Variants in ENPP6 observed in about 807,000 individuals in gnomAD.
ENPP6 encodes glycerophosphocholine cholinephosphodiesterase ENPP6.
ENPP6 carries 32 observed loss-of-function variants against 42.0 expected under a neutral mutation model. That is an observed-to-expected ratio of 0.76 (90% CI 0.58 to 1.02). The LOEUF (loss-of-function observed/expected upper bound fraction) is 1.02, where lower values mean the gene tolerates loss of function less well. Among genes scored for constraint, ENPP6 ranks in the 50% least tolerant of loss-of-function variants. ENPP6 has a pLI of 0.00. For synonymous variants in ENPP6, 213 were observed against 216.0 expected, an observed-to-expected ratio of 0.99 and a Z score of 0.12; for missense variants, 552 against 566.8, an observed-to-expected ratio of 0.97 and a Z score of 0.27.
intron 1 of ENPP6, among the ~76,000 whole-genome samples, chr4:184,195,344 T>G (rs1426341385): frequency 2.0e-5 from 3 of 152,188 alleles, no homozygotes; most frequent in African/African-American, 7.2e-5. Flanking sequence ...TGTGTTCTCA[T>G]CATTCAGCTC....
intron 1 of ENPP6, among the ~76,000 whole-genome samples, chr4:184,213,366 C>G (rs1292260118): frequency 6.6e-6 from 1 of 151,828 alleles, no homozygotes; most frequent in Non-Finnish European, 1.5e-5. Context: ...TATCCAGAAT[C>G]TACGATGAAC....
At chr4:184,120,953 A>T (rs1736406122) in intron 3 of ENPP6, among the ~76,000 whole-genome samples, 1 of 152,196 alleles carries the variant, frequency 6.6e-6, no homozygotes. Context: ...GGAGGCCTCC[A>T]GAGTCTGAGC....
At chr4:184,156,758 T>C (rs1737165625) in intron 1 of ENPP6, among the ~76,000 whole-genome samples, 1 of 152,252 alleles carries the variant, frequency 6.6e-6, no homozygotes, top group South Asian at 2.1e-4. Context: ...CTAGAACTGC[T>C]GTATGAAGGG....
chr4:184,157,721 C>T (rs908693171), intron 1 of ENPP6, among the ~76,000 whole-genome samples: 12 of 151,814 alleles, frequency 7.9e-5, no homozygotes, highest in African/African-American at 2.7e-4. Flanking sequence ...TCAGCCTCCT[C>T]CTCAGCCTCC....
chr4:184,172,183 A>C (rs959547645), intron 1 of ENPP6, among the ~76,000 whole-genome samples: 2 of 152,182 alleles, frequency 1.3e-5, no homozygotes, highest in African/African-American at 4.8e-5. Context: ...GGTAGAGCCC[A>C]GTGATGTGGC....
At chr4:184,190,468 C>T (rs974912311) in intron 1 of ENPP6, among the ~76,000 whole-genome samples, 1 of 152,146 alleles carries the variant, frequency 6.6e-6, no homozygotes, top group Non-Finnish European at 1.5e-5. Flanking sequence ...GTTTCATCTG[C>T]TCTAAGACTA....
chr4:184,211,656 G>A (rs866537213), intron 1 of ENPP6, among the ~76,000 whole-genome samples: 9,504 of 152,050 alleles, frequency 0.063, 356 homozygotes, highest in African/African-American at 0.11. Context: ...TTCTACCAGA[G>A]GTACAAGGAG....
intron 7 of ENPP6, among the ~76,000 whole-genome samples, chr4:184,095,385 C>T (rs755410090): frequency 9.2e-5 from 14 of 151,968 alleles, no homozygotes; most frequent in Non-Finnish European, 1.9e-4. Context: ...CTCGGCTGGG[C>T]GTGGTGGCTC....
At chr4:184,159,472 T>C (rs923116139) in intron 1 of ENPP6, among the ~76,000 whole-genome samples, 4 of 152,198 alleles carry the variant, frequency 2.6e-5, no homozygotes, top group African/African-American at 9.6e-5. Context: ...ACAATCATGA[T>C]GCATATTTGT....
chr4:184,163,384 G>A (rs772912046), intron 1 of ENPP6, among the ~76,000 whole-genome samples: 6 of 152,118 alleles, frequency 3.9e-5, no homozygotes, highest in Non-Finnish European at 5.9e-5. Flanking sequence ...TAGTGGGTGG[G>A]GTGAAGAAGT....
chr4:184,201,927 A>G (rs1732910920), intron 1 of ENPP6, among the ~76,000 whole-genome samples: 1 of 149,456 alleles, frequency 6.7e-6, no homozygotes, highest in Non-Finnish European at 1.5e-5. Context: ...AATGTTGACA[A>G]AAGTTAATTC....
Position 184,122,036 on chromosome 4 carries a change from G to A in ENPP6, c.533+2125C>T, listed in dbSNP as rs1251582812. 2.0e-5 allele frequency among the ~76,000 whole-genome samples: 3 copies of A among 152,136 alleles called. No homozygotes were observed. In the East Asian group the frequency reaches 5.8e-4, roughly 29 times the overall value. The stretch of plus-strand genomic sequence containing the variant: ...TTCTTTTCTTTCTCACATGTCAAGA[G>A]CTTCCTAGCTTTAGAGGTAGTGGGT... On this transcript the variant is annotated intron_variant, in intron 3 of 7. Coordinates refer to ENST00000296741, the MANE Select transcript of ENPP6 (RefSeq NM_153343.4).
In ENPP6 at chr4:184,113,090, A is replaced by C. The variant is rs115402418; in HGVS notation, c.856-281T>G. Among the ~76,000 whole-genome samples, 643 of 152,316 alleles carry C rather than the reference A, an allele frequency of 4.2e-3. 8 individuals are homozygous for C. The highest frequency in any genetic ancestry group is 0.014 in the African/African-American group (581 of 41,564). On this transcript the variant is annotated intron_variant, in intron 5 of 7. Coordinates refer to ENST00000296741, the MANE Select transcript of ENPP6 (RefSeq NM_153343.4). ...AGCCTGTGCACCTGTAGCCATGTGG[A>C]GGAATGAACCCTGCAAACTGGAACA...
intron 1 of ENPP6, among the ~76,000 whole-genome samples, chr4:184,170,738 G>A (rs940366711): frequency 1.3e-5 from 2 of 152,184 alleles, no homozygotes; most frequent in South Asian, 2.1e-4. Flanking sequence ...TCCACTGCAC[G>A]TGGTGCCATG....
intron 1 of ENPP6, among the ~76,000 whole-genome samples, chr4:184,178,319 A>G (rs1732487436): frequency 6.6e-6 from 1 of 152,212 alleles, no homozygotes; most frequent in Admixed American, 6.5e-5. Flanking sequence ...ACAAGATTAG[A>G]GAAAAAAGAA....
intron 2 of ENPP6, among the ~76,000 whole-genome samples, chr4:184,131,253 T>TTTC (rs1560987436): frequency 1.4e-3 from 29 of 21,070 alleles, no homozygotes; most frequent in African/African-American, 6.7e-3. Flanking sequence ...TCTTTCTTTC[T>TTTC]CTTTCTCTTC....
At chr4:184,160,066 G>C (rs1056374452) in intron 1 of ENPP6, among the ~76,000 whole-genome samples, 1 of 152,178 alleles carries the variant, frequency 6.6e-6, no homozygotes, top group African/African-American at 2.4e-5. Context: ...TGGGCACTTA[G>C]GTTGGTTCCA....
chr4:184,108,385 C>A (rs987885007), intron 6 of ENPP6, among the ~76,000 whole-genome samples: 3 of 152,174 alleles, frequency 2.0e-5, no homozygotes, highest in Non-Finnish European at 4.4e-5. Flanking sequence ...ACTTAACATT[C>A]TTTTACCATT....
At chr4:184,168,465 A>G (rs1274202132) in intron 1 of ENPP6, among the ~76,000 whole-genome samples, 1 of 152,218 alleles carries the variant, frequency 6.6e-6, no homozygotes, top group East Asian at 1.9e-4. Flanking sequence ...AAGCAGCACC[A>G]CGTTGCATCT....
Sources: allele counts gnomAD v4.1 joint callset (sites outside exome capture counted in the v4.1 genomes callset), GRCh38; gene constraint gnomAD v4.1.1; transcripts MANE v1.5; gene names NCBI Gene and HGNC (gene_info 2026-07-23, HGNC 2026-07-21).